The following PDGFC variants were observed in gnomAD, a reference collection of about 807,000 sequenced individuals.
The protein encoded by PDGFC is platelet-derived growth factor C.
A neutral mutation model predicts 35.5 loss-of-function variants in PDGFC; 12 were observed. That is an observed-to-expected ratio of 0.34 (90% CI 0.22 to 0.55). The LOEUF (loss-of-function observed/expected upper bound fraction) is 0.55. Among genes scored for constraint, PDGFC ranks in the 20% least tolerant of loss-of-function variants. The probability of loss-of-function intolerance (pLI) is 0.91; values close to 1 mark genes in which losing one functional copy is unlikely to be tolerated. For synonymous variants in PDGFC, 159 were observed against 148.8 expected (o/e 1.07, Z -0.50); for missense variants, 322 against 412.4 (o/e 0.78, Z 1.90).
intron 3 of PDGFC, among the ~76,000 whole-genome samples, chr4:156,782,248 C>T (rs1234228977): frequency 2.0e-5 from 3 of 152,082 alleles, no homozygotes; most frequent in African/African-American, 4.8e-5. Flanking sequence ...ATAATGATAC[C>T]CTTGGCTGCT....
intron 1 of PDGFC, among the ~76,000 whole-genome samples, chr4:156,896,786 C>T (rs1051900287): frequency 6.6e-6 from 1 of 152,092 alleles, no homozygotes; most frequent in African/African-American, 2.4e-5. Context: ...GGCACAGGAA[C>T]CCATGAAAAT....
chr4:156,784,620 T>A (rs1179970317), intron 3 of PDGFC, among the ~76,000 whole-genome samples: 1 of 151,878 alleles, frequency 6.6e-6, no homozygotes. Context: ...AGAAGAAAGA[T>A]TAGAAAAAAG....
chr4:156,918,917 T>G (rs548311700), intron 1 of PDGFC, among the ~76,000 whole-genome samples: 16 of 152,320 alleles, frequency 1.1e-4, no homozygotes, highest in African/African-American at 3.6e-4. Flanking sequence ...TCATGACGGT[T>G]TTTGGTATTA....
At position 156,874,233 on chromosome 4, in the gene PDGFC, A is replaced by G. The variant is rs556221509; in HGVS notation, c.119-23817T>C. The stretch of plus-strand genomic sequence containing the variant: ...GATAACATATAGCTGTGTATTATAC[A>G]GTTAATAAATTGTCTTAACCATAAT... On this transcript the variant is annotated intron_variant, in intron 1 of 5. Transcript: ENST00000502773. Among the ~76,000 whole-genome samples, 4 of 152,354 alleles carry G rather than the reference A, an allele frequency of 2.6e-5. No individual in the cohort carries two copies. The South Asian group carries it at 8.3e-4, about 32-fold the overall frequency.
chr4:156,883,296 T>A (rs955607080), intron 1 of PDGFC, among the ~76,000 whole-genome samples: 1 of 152,182 alleles, frequency 6.6e-6, no homozygotes. Context: ...TCTGTTTACA[T>A]ATGAAACATA....
intron 1 of PDGFC, among the ~76,000 whole-genome samples, chr4:156,874,870 T>C (rs76256249): frequency 6.6e-6 from 1 of 151,864 alleles, no homozygotes; most frequent in Non-Finnish European, 1.5e-5. Flanking sequence ...GTTCACCTCA[T>C]GATGCCCAGC....
chr4:156,873,297 A>T (rs1456950935), intron 1 of PDGFC, among the ~76,000 whole-genome samples: 2 of 152,152 alleles, frequency 1.3e-5, no homozygotes, highest in Admixed American at 1.3e-4. Flanking sequence ...TTTCAGGAAG[A>T]ACAGTTTGAG....
chr4:156,967,184 G>GC (rs1732487009), intron 1 of PDGFC: 1 of 152,118 alleles, frequency 6.6e-6, no homozygotes, highest in African/African-American at 2.4e-5. Context: ...GTGGTTATCT[G>GC]TTTTTGATAA....
At chr4:156,794,923 A>G (rs2110893765) in intron 3 of PDGFC, among the ~76,000 whole-genome samples, 1 of 152,280 alleles carries the variant, frequency 6.6e-6, no homozygotes, top group South Asian at 2.1e-4. Flanking sequence ...ATCATGCAGT[A>G]TCAAGATGGA....
intron 1 of PDGFC, among the ~76,000 whole-genome samples, chr4:156,918,496 T>C (rs933568835): frequency 6.6e-6 from 1 of 152,188 alleles, no homozygotes; most frequent in African/African-American, 2.4e-5. Context: ...CTTGGCCTGT[T>C]AGGAACTGGG....
At chr4:156,778,684 T>C (rs1009555277) in intron 3 of PDGFC, among the ~76,000 whole-genome samples, 6 of 152,196 alleles carry the variant, frequency 3.9e-5, no homozygotes, top group Admixed American at 6.5e-5. Context: ...TAAAAAACCA[T>C]AGCTTGTCAT....
At chr4:156,923,047 A>G (rs1731324733) in intron 1 of PDGFC, among the ~76,000 whole-genome samples, 1 of 152,138 alleles carries the variant, frequency 6.6e-6, no homozygotes, top group African/African-American at 2.4e-5. Context: ...ATATTTTTTA[A>G]ATAAATCAGA....
At chr4:156,865,033 T>A (rs886231279) in intron 1 of PDGFC, among the ~76,000 whole-genome samples, 1 of 152,098 alleles carries the variant, frequency 6.6e-6, no homozygotes, top group Non-Finnish European at 1.5e-5. Context: ...CAATAGAATA[T>A]AATTTCAAAA....
At chr4:156,936,008 A>G (rs1731671338) in intron 1 of PDGFC, among the ~76,000 whole-genome samples, 1 of 152,244 alleles carries the variant, frequency 6.6e-6, no homozygotes. Flanking sequence ...ATACATGTGA[A>G]GTTGTAATTA....
intron 3 of PDGFC, among the ~76,000 whole-genome samples, chr4:156,788,614 T>C (rs965174667): frequency 2.6e-5 from 4 of 152,162 alleles, no homozygotes; most frequent in Admixed American, 2.0e-4. Flanking sequence ...AAAGAAAGGG[T>C]ATTTGGTTCA....
chr4:156,872,586 G>A (rs1730011030), intron 1 of PDGFC, among the ~76,000 whole-genome samples: 1 of 152,050 alleles, frequency 6.6e-6, no homozygotes, highest in Non-Finnish European at 1.5e-5. Flanking sequence ...GGCCTTCATG[G>A]TTCTTTAATT....
intron 1 of PDGFC, among the ~76,000 whole-genome samples, chr4:156,915,485 G>A (rs1731136811): frequency 1.3e-5 from 2 of 152,150 alleles, no homozygotes; most frequent in Admixed American, 6.5e-5. Flanking sequence ...ACTGAACTCT[G>A]TCCCTTTATT....
chr4:156,934,962 T>C (rs533575083), intron 1 of PDGFC, among the ~76,000 whole-genome samples: 1 of 152,240 alleles, frequency 6.6e-6, no homozygotes, highest in South Asian at 2.1e-4. Flanking sequence ...AAAACATACC[T>C]GAGGCTTTCT....
intron 1 of PDGFC, among the ~76,000 whole-genome samples, chr4:156,948,216 A>G (rs1281287271): frequency 4.4e-5 from 6 of 135,616 alleles, no homozygotes; most frequent in Non-Finnish European, 8.0e-5. Flanking sequence ...ATGTACAGCT[A>G]AAAAAAAAAA....
Sources: gnomAD v4.1 joint callset for allele counts (sites outside exome capture counted in the v4.1 genomes callset) on GRCh38, gnomAD v4.1.1 for gene constraint, MANE v1.5 for transcripts, NCBI Gene and HGNC (gene_info 2026-07-23, HGNC 2026-07-21) for gene names.